NBEA: variants seen among roughly 807,000 people sequenced by gnomAD.
NBEA encodes the protein neurobeachin.
A neutral mutation model predicts 343.4 loss-of-function variants in NBEA; 44 were observed. The observed-to-expected ratio is 0.13, with a 90% confidence interval of 0.10 to 0.16. NBEA has a LOEUF of 0.16. NBEA is among the 10% of genes least tolerant of loss of function. The probability of loss-of-function intolerance (pLI) is 1.00; values close to 1 mark genes in which losing one functional copy is unlikely to be tolerated. For missense variants in NBEA, 2,555 were observed against 3,631.3 expected, an observed-to-expected ratio of 0.70 and a Z score of 7.62; for synonymous variants, 1,175 against 1,238.7, an observed-to-expected ratio of 0.95 and a Z score of 1.08.
chr13:35,026,687 A>G (rs1211726444), intron 1 of NBEA, among the ~76,000 whole-genome samples: 8 of 152,264 alleles, frequency 5.3e-5, no homozygotes, highest in Non-Finnish European at 1.2e-4. Context: ...CAGCACTACC[A>G]ATAGAAATAT....
chr13:35,308,568 A>ATATATGTATATATATG (rs1555361184), intron 35 of NBEA, among the ~76,000 whole-genome samples: 48 of 87,428 alleles, frequency 5.5e-4, no homozygotes, highest in Non-Finnish European at 6.4e-4. Context: ...GTATATATGT[A>ATATATGTATATATATG]TATATATGTA....
chr13:35,185,397 T>A (rs1416075690), intron 30 of NBEA: 1 of 152,188 alleles, frequency 6.6e-6, no homozygotes, highest in Non-Finnish European at 1.5e-5. Context: ...TGTTACAACT[T>A]GATGAATGTA....
At chr13:35,187,620 A>G (rs1411631407) in intron 30 of NBEA, among the ~76,000 whole-genome samples, 1 of 151,992 alleles carries the variant, frequency 6.6e-6, no homozygotes, top group African/African-American at 2.4e-5. Flanking sequence ...CAATTACAAT[A>G]ATCATCTCCA....
At chr13:35,374,215 A>G (rs1400603182) in intron 38 of NBEA, among the ~76,000 whole-genome samples, 1 of 151,986 alleles carries the variant, frequency 6.6e-6, no homozygotes, top group Non-Finnish European at 1.5e-5. Context: ...TTTTTGCCTC[A>G]GGTAATGGGG....
chr13:35,374,450 G>T (rs2041629980), intron 38 of NBEA, among the ~76,000 whole-genome samples: 1 of 152,162 alleles, frequency 6.6e-6, no homozygotes, highest in Non-Finnish European at 1.5e-5. Context: ...GACATTAAAT[G>T]AGCACGTGGC....
At chr13:35,588,781 A>C (rs1254182670) in intron 46 of NBEA, among the ~76,000 whole-genome samples, 1 of 150,748 alleles carries the variant, frequency 6.6e-6, no homozygotes, top group Non-Finnish European at 1.5e-5. Flanking sequence ...GAAGTAATTA[A>C]ATCTTTTTCC....
intron 18 of NBEA, among the ~76,000 whole-genome samples, chr13:35,150,744 T>A (rs1267013065): frequency 2.0e-5 from 3 of 151,668 alleles, no homozygotes; most frequent in African/African-American, 7.3e-5. Context: ...TGTGTAAGAT[T>A]AAGTGCAGAA....
intron 34 of NBEA, among the ~76,000 whole-genome samples, chr13:35,271,495 A>G (rs1278165136): frequency 1.3e-5 from 2 of 152,234 alleles, no homozygotes; most frequent in East Asian, 3.9e-4. Flanking sequence ...ACAAAACTGG[A>G]TGGAGAATGA....
chr13:35,004,753 G>A (rs1179682292), intron 1 of NBEA, among the ~76,000 whole-genome samples: 1 of 152,108 alleles, frequency 6.6e-6, no homozygotes, highest in Non-Finnish European at 1.5e-5. Context: ...TGAAGATGAA[G>A]GTGCTATCTG....
intron 41 of NBEA, among the ~76,000 whole-genome samples, chr13:35,543,169 A>G (rs1469944115): frequency 6.6e-6 from 1 of 152,224 alleles, no homozygotes; most frequent in Non-Finnish European, 1.5e-5. Flanking sequence ...ATAATTAAGC[A>G]TAAAAAATGA....
Position 35,646,021 on chromosome 13 carries a change from A to T in NBEA, c.7680+90A>T, listed in dbSNP as rs141933516. ...GGTTAGATTTTCCACATTTAACCCC[A>T]GCTTCTGGGAATAAGAATAGTGACT... is the stretch of plus-strand genomic sequence containing the variant. On this transcript the variant is annotated intron_variant, in intron 50 of 58. Coordinates refer to ENST00000379939, the MANE Select transcript of NBEA (RefSeq NM_001385012.1). The T allele has an allele frequency of 2.3e-5, 20 of 858,614 alleles. No individual in the cohort carries two copies. The East Asian group carries it at 5.1e-4, about 22-fold the overall frequency. 53.2% of individuals were successfully genotyped at this position (858,614 alleles called of 1,614,324 possible). A position where few individuals can be genotyped will look rare whatever the true frequency, so the allele number is the denominator to read the frequency against.
At chr13:35,157,362 C>G in intron 21 of NBEA, 92 bp downstream of exon 21, 1 of 998,834 alleles carries the variant, frequency 1.0e-6, no homozygotes. Context: ...TTGTGGGCAT[C>G]TTAGATTTTG....
intron 41 of NBEA, chr13:35,475,132 T>A: frequency 6.2e-7 from 1 of 1,614,144 alleles, no homozygotes; most frequent in East Asian, 2.2e-5. Flanking sequence ...GGCAGCGTTT[T>A]CCAGAGCTGA....
At chr13:35,467,950 A>G (rs2075459149) in intron 40 of NBEA, among the ~76,000 whole-genome samples, 1 of 152,198 alleles carries the variant, frequency 6.6e-6, no homozygotes, top group Non-Finnish European at 1.5e-5. Context: ...AACAATTCCA[A>G]TTTTAATTAA....
At chr13:34,957,775 C>T (rs1566089912) in intron 1 of NBEA, among the ~76,000 whole-genome samples, 3 of 152,114 alleles carry the variant, frequency 2.0e-5, no homozygotes, top group African/African-American at 7.2e-5. Flanking sequence ...TAAGAAACAA[C>T]ATAAATTTAT....
chr13:35,402,291 T>A (rs1348409541), intron 38 of NBEA, among the ~76,000 whole-genome samples: 1 of 151,994 alleles, frequency 6.6e-6, no homozygotes, highest in Non-Finnish European at 1.5e-5. Context: ...AAATTAAATG[T>A]TATCTTTAAA....
chr13:35,397,204 C>T (rs1324203756), intron 38 of NBEA, among the ~76,000 whole-genome samples: 1 of 152,180 alleles, frequency 6.6e-6, no homozygotes, highest in Non-Finnish European at 1.5e-5. Context: ...TAGGCTTAAG[C>T]CATACTAACA....
chr13:34,998,595 A>AT (rs1320388109), intron 1 of NBEA, among the ~76,000 whole-genome samples: 1 of 152,178 alleles, frequency 6.6e-6, no homozygotes, highest in Non-Finnish European at 1.5e-5. Context: ...GAGAAAAAGA[A>AT]TTCAGTGATA....
chr13:35,533,790 A>G (rs2078390266), intron 41 of NBEA, among the ~76,000 whole-genome samples: 1 of 152,168 alleles, frequency 6.6e-6, no homozygotes, highest in South Asian at 2.1e-4. Context: ...AGAAGCATAC[A>G]CTGGCACTCC....
Sources: gnomAD v4.1 joint callset for allele counts (sites outside exome capture counted in the v4.1 genomes callset) on GRCh38, gnomAD v4.1.1 for gene constraint, MANE v1.5 for transcripts, NCBI Gene and HGNC (gene_info 2026-07-23, HGNC 2026-07-21) for gene names.